The following RAB5IF variants were observed in gnomAD, a reference collection of about 807,000 sequenced individuals.
The protein encoded by RAB5IF is GEL complex subunit OPTI.
In RAB5IF, 15 loss-of-function variants were observed where a neutral mutation model predicts 20.3. The observed-to-expected ratio is 0.74, with a 90% CI of 0.50 to 1.14. The LOEUF is 1.14. Ranked by LOEUF, RAB5IF falls within the 50% of genes most tolerant of loss-of-function variation. RAB5IF has a pLI of 0.00. For synonymous variants in RAB5IF, 67 were observed against 63.7 expected, an observed-to-expected ratio of 1.05 and a Z score of -0.25; for missense variants, 148 against 159.5, an observed-to-expected ratio of 0.93 and a Z score of 0.39.
At chr20:36,610,982 G>A (rs925860509) in intron 3 of RAB5IF, among the ~76,000 whole-genome samples, 4 of 152,058 alleles carry the variant, frequency 2.6e-5, no homozygotes, top group African/African-American at 9.7e-5. Context: ...TATACAGAAA[G>A]CCTCTCAACT....
intron 3 of RAB5IF, among the ~76,000 whole-genome samples, chr20:36,611,803 T>C (rs1192322890): frequency 6.6e-6 from 1 of 151,980 alleles, no homozygotes; most frequent in African/African-American, 2.4e-5. Context: ...TTATCAGGAG[T>C]TCCTTTGCAA....
chr20:36,606,629 A>G (rs2038940671), intron 1 of RAB5IF, among the ~76,000 whole-genome samples: 1 of 152,182 alleles, frequency 6.6e-6, no homozygotes, highest in Non-Finnish European at 1.5e-5. Flanking sequence ...GAATACTTTG[A>G]TAAGCATGAG....
At chr20:36,611,832 G>A (rs2039129763) in intron 3 of RAB5IF, among the ~76,000 whole-genome samples, 178 bp from the exon 4 acceptor site, 1 of 152,082 alleles carries the variant, frequency 6.6e-6, no homozygotes, top group South Asian at 2.1e-4. Context: ...GGGCAGTCCT[G>A]GGTTCTGTTA....
At chr20:36,611,506 A>C (rs1032656832) in intron 3 of RAB5IF, among the ~76,000 whole-genome samples, 3 of 151,670 alleles carry the variant, frequency 2.0e-5, no homozygotes, top group Non-Finnish European at 2.9e-5. Flanking sequence ...AAAAAAAAAA[A>C]AAAAAAAAAC....
chr20:36,609,189 ACACACGCACACACG>A (rs1192633314), intron 2 of RAB5IF, among the ~76,000 whole-genome samples: 1 of 51,962 alleles, frequency 1.9e-5, no homozygotes, highest in Admixed American at 1.9e-4. Context: ...ACACACACAC[ACACACGCACACACG>A]CACACACGCA....
chr20:36,607,927 G>GT, intron 2 of RAB5IF, 109 bp downstream of exon 2: 1 of 1,542,978 alleles, frequency 6.5e-7, no homozygotes, highest in Non-Finnish European at 8.8e-7. Context: ...GTGTGTGTGT[G>GT]ATGACTAAAG....
rs1314354344 is a variant in RAB5IF, at chr20:36,605,976, G to C, written c.25G>C (p.Glu9Gln). 6.6e-7 allele frequency: 1 copy of C among 1,516,866 alleles called. No individual in the cohort carries two copies. The highest frequency in any genetic ancestry group is 8.9e-7 in the Non-Finnish European group (1 of 1,129,532). The allele number at this position is 1,516,866 out of a possible 1,614,324, so 94.0% of individuals were successfully genotyped here. The change falls in exon 1 of 4, where the codon GAG (glutamate) becomes CAG (glutamine). Residue 9 changes from glutamate (E) to glutamine (Q), a missense_variant. Glu to Gln is a conservative substitution (Grantham distance 29). Coordinates refer to ENST00000344795, the MANE Select transcript of RAB5IF (RefSeq NM_018840.5). Reference protein sequence around the residue: MSGGRRKEEPPQPQLANGA... With the variant: MSGGRRKEQPPQPQLANGA... The stretch of plus-strand genomic sequence containing the variant: ...GATGAGCGGCGGGCGGCGGAAGGAG[G>C]AGCCGCCTCAGCCGCAGCTGGCCAA...
At chr20:36,609,156 TAC>T (rs765034845) in intron 2 of RAB5IF, among the ~76,000 whole-genome samples, 180 of 17,050 alleles carry the variant, frequency 0.011, 3 homozygotes, top group South Asian at 0.023. Flanking sequence ...AGAACTATAT[TAC>T]ACACACACAC....
At chr20:36,607,108 CCAG>C (rs2038952585) in intron 1 of RAB5IF, among the ~76,000 whole-genome samples, 1 of 152,134 alleles carries the variant, frequency 6.6e-6, no homozygotes. Context: ...GCACCTGCCT[CCAG>C]CATTTATGGT....
intron 3 of RAB5IF, among the ~76,000 whole-genome samples, chr20:36,611,507 A>T (rs6028353): frequency 0.027 from 4,043 of 151,456 alleles, 206 homozygotes; most frequent in African/African-American, 0.092. Context: ...AAAAAAAAAA[A>T]AAAAAAAACC....
intron 2 of RAB5IF, among the ~76,000 whole-genome samples, chr20:36,608,909 G>A (rs2038998247): frequency 6.6e-6 from 1 of 151,776 alleles, no homozygotes; most frequent in Non-Finnish European, 1.5e-5. Flanking sequence ...CTGAGGGCAG[G>A]AACAGTCATC....
In RAB5IF at chr20:36,612,418, C is replaced by CTA; in HGVS notation, c.*369_*370dup. 1.6e-6 allele frequency: 1 copy of CTA among 619,030 alleles called. No homozygotes were observed. Among genetic ancestry groups the CTA allele is most frequent in the South Asian group, 2.0e-5 (1 of 50,770 alleles). 38.3% of individuals were successfully genotyped at this position (619,030 alleles called of 1,614,324 possible). A position where few individuals can be genotyped will look rare whatever the true frequency, so the allele number is the denominator to read the frequency against. On this transcript the variant is annotated 3_prime_UTR_variant, in exon 4 of 4. Transcript: ENST00000344795. Reference sequence around the variant, plus strand: ...CTCCATCGGGTGTAGAGTTTTTAAACTATCAATGGCATTTCAAGTCTTCTG... The same window carrying CTA: ...CTCCATCGGGTGTAGAGTTTTTAAACTATATCAATGGCATTTCAAGTCTTCTG...
chr20:36,609,197 A>ACACG (rs1568595489), intron 2 of RAB5IF, among the ~76,000 whole-genome samples: 1 of 54,582 alleles, frequency 1.8e-5, no homozygotes, highest in Non-Finnish European at 3.4e-5. Context: ...ACACACACGC[A>ACACG]CACACGCACA....
chr20:36,609,347 C>T (rs1325848444), intron 2 of RAB5IF, among the ~76,000 whole-genome samples: 1 of 151,646 alleles, frequency 6.6e-6, no homozygotes, highest in African/African-American at 2.4e-5. Flanking sequence ...TCAAGCAGTT[C>T]TCCTGCCTCC....
At chr20:36,608,136 T>C in intron 2 of RAB5IF, 1 of 390,888 alleles carries the variant, frequency 2.6e-6, no homozygotes. Flanking sequence ...CCTTTGTACC[T>C]GTGCGAGTTT....
At chr20:36,611,578 T>TG (rs2039120758) in intron 3 of RAB5IF, among the ~76,000 whole-genome samples, 1 of 151,682 alleles carries the variant, frequency 6.6e-6, no homozygotes, top group Admixed American at 6.6e-5. Flanking sequence ...GATGTAGTGC[T>TG]GGGGCATCTA....
chr20:36,607,438 C>T (rs924893163), intron 1 of RAB5IF, among the ~76,000 whole-genome samples: 1 of 152,028 alleles, frequency 6.6e-6, no homozygotes, highest in African/African-American at 2.4e-5. Flanking sequence ...CCATGTTGGC[C>T]GGGCTGGTCT....
At chr20:36,608,687 CCA>C (rs2038992459) in intron 2 of RAB5IF, among the ~76,000 whole-genome samples, 1 of 151,818 alleles carries the variant, frequency 6.6e-6, no homozygotes, top group Non-Finnish European at 1.5e-5. Flanking sequence ...CCTCAGACTC[CCA>C]AGTAGCTGGG....
At chr20:36,609,231 A>C (rs1003475454) in intron 2 of RAB5IF, among the ~76,000 whole-genome samples, 1 of 125,722 alleles carries the variant, frequency 8.0e-6, no homozygotes, top group Non-Finnish European at 1.6e-5. Flanking sequence ...ACACACACAC[A>C]CACACACACA....
Sources: gnomAD v4.1 joint callset for allele counts (sites outside exome capture counted in the v4.1 genomes callset) on GRCh38, gnomAD v4.1.1 for gene constraint, MANE v1.5 for transcripts, NCBI Gene and HGNC (gene_info 2026-07-23, HGNC 2026-07-21) for gene names.